The following RP1 variants were observed in gnomAD, a reference collection of about 807,000 sequenced individuals.
RP1 encodes oxygen-regulated protein 1.
In RP1, 16 loss-of-function variants were observed where a neutral mutation model predicts 14.8. The observed-to-expected ratio is 1.08, with a 90% CI of 0.73 to 1.65. The LOEUF (loss-of-function observed/expected upper bound fraction) is 1.65, where lower values mean the gene tolerates loss of function less well. Ranked by LOEUF, RP1 falls within the 40% of genes most tolerant of loss-of-function variation. The probability of loss-of-function intolerance (pLI) is 0.00; values close to 1 mark genes in which losing one functional copy is unlikely to be tolerated. For synonymous variants in RP1, 876 were observed against 883.6 expected (o/e 0.99, Z 0.15); for missense variants, 2,631 against 2,535.0 (o/e 1.04, Z -0.81).
chr8:54,643,451 A>G (rs1194125890), intron 3 of RP1, among the ~76,000 whole-genome samples: 2 of 152,320 alleles, frequency 1.3e-5, no homozygotes, highest in South Asian at 2.1e-4. Flanking sequence ...GTGGAATCAT[A>G]AAGTATATAC....
Position 54,625,847 on chromosome 8 carries a change from A to G in RP1, c.1965A>G (p.Thr655=), listed in dbSNP as rs777274251. The change falls in exon 4 of 4, where the codon ACA becomes ACG. Residue 655 remains threonine (T), a synonymous_variant. Transcript: ENST00000220676. The stretch of plus-strand genomic sequence containing the variant: ...ATGAATTTGCTCAGTGTGGTTTAAC[A>G]AAACTTCCAAAAAATGAAAAGAAGA... ...LINEFAQCGL[T]KLPKNEKKIL... 1 of 1,613,602 alleles carries G rather than the reference A, an allele frequency of 6.2e-7. No homozygotes were observed. The highest frequency in any genetic ancestry group is 1.3e-5 in the African/African-American group (1 of 75,064).
At chr8:54,661,479 A>T (rs1354545761) in intron 6 of RP1, among the ~76,000 whole-genome samples, 1 of 147,244 alleles carries the variant, frequency 6.8e-6, no homozygotes, top group Non-Finnish European at 1.5e-5. Context: ...ATCCTGTATT[A>T]AAAAAAAAAG....
intron 23 of RP1, among the ~76,000 whole-genome samples, chr8:54,775,201 G>T (rs1053976632): frequency 7.9e-5 from 12 of 152,204 alleles, no homozygotes; most frequent in African/African-American, 2.9e-4. Context: ...TGGAGATGGG[G>T]AAGTCTGGGA....
chr8:54,608,956 C>T (rs777922993), intron 1 of RP1, among the ~76,000 whole-genome samples: 25 of 152,112 alleles, frequency 1.6e-4, no homozygotes, highest in Non-Finnish European at 2.1e-4. Context: ...TCTTTGGTTC[C>T]GGAGGACTTT....
At chr8:54,774,054 A>T (rs1229934065), downstream of RP1, among the ~76,000 whole-genome samples, 1 of 152,240 alleles carries the variant, frequency 6.6e-6, no homozygotes, top group Non-Finnish European at 1.5e-5. Context: ...GCTAAACATG[A>T]TTAAGAACAT....
chr8:54,665,186 C>T (rs911145479), intron 7 of RP1, among the ~76,000 whole-genome samples: 1 of 152,004 alleles, frequency 6.6e-6, no homozygotes, highest in Non-Finnish European at 1.5e-5. Flanking sequence ...TCACTTAGTT[C>T]CATTTCTGGA....
rs149078207 is a variant in RP1 at position 54,688,618 on chromosome 8, G to A, written c.1717+8685G>A. Among the ~76,000 whole-genome samples, 1,313 of 152,246 alleles carry A rather than the reference G, an allele frequency of 8.6e-3. 20 individuals are homozygous for A. Among genetic ancestry groups the A allele is most frequent in the African/African-American group, 0.029 (1,212 of 41,546 alleles). ...TGTCAGGTTTGTCAAAGATCAGATGGTTGTAGATGTGTGGTGTTATTTCTG... is the reference window on the plus strand; with the variant it reads ...TGTCAGGTTTGTCAAAGATCAGATGATTGTAGATGTGTGGTGTTATTTCTG... On this transcript the variant is annotated intron_variant, in intron 12 of 22. Transcript: ENST00000636932.
At chr8:54,824,950 C>T (rs1811346817) in intron 24 of RP1, among the ~76,000 whole-genome samples, 1 of 120,042 alleles carries the variant, frequency 8.3e-6, no homozygotes, top group Non-Finnish European at 1.8e-5. Flanking sequence ...TAACACTATT[C>T]TTTTTCTTTC....
chr8:54,622,207 A>G lies in RP1; in HGVS notation c.706A>G (p.Lys236Glu). Reference sequence around the variant, plus strand: ...TAAACCAGGAAATTATGACATCCAAAAATACTTGCTTCCTGCTAGATTACC... The same window carrying G: ...TAAACCAGGAAATTATGACATCCAAGAATACTTGCTTCCTGCTAGATTACC... ...PFKPGNYDIQKYLLPARLPGI... is the reference protein window; with the variant it reads ...PFKPGNYDIQEYLLPARLPGI... Residue 236 changes from lysine (K) to glutamate (E), a missense_variant, in exon 3 of 4, where the codon AAA becomes GAA. Coordinates refer to ENST00000220676, the MANE Select transcript of RP1 (RefSeq NM_006269.2). The G allele has an allele frequency of 6.2e-7, 1 of 1,614,180 alleles. No homozygotes were observed. Among genetic ancestry groups the G allele is most frequent in the Non-Finnish European group, 8.5e-7 (1 of 1,180,024 alleles).
intron 25 of RP1, among the ~76,000 whole-genome samples, chr8:54,845,400 A>G (rs4737733): frequency 0.35 from 53,526 of 151,986 alleles, 9,556 homozygotes; most frequent in Non-Finnish European, 0.38. Flanking sequence ...ATATTTATGT[A>G]TGCTAGGAGC....
intron 7 of RP1, among the ~76,000 whole-genome samples, chr8:54,672,244 G>C (rs1807196370): frequency 1.3e-5 from 2 of 152,084 alleles, no homozygotes; most frequent in South Asian, 4.1e-4. Context: ...CTCCAAGTCA[G>C]GGGAGACAAA....
At chr8:54,867,191 G>A (rs1430351037) in intron 28 of RP1, among the ~76,000 whole-genome samples, 11 of 152,062 alleles carry the variant, frequency 7.2e-5, no homozygotes, top group Admixed American at 5.9e-4. Flanking sequence ...TTGACTGACT[G>A]GATTTTACCT....
At chr8:54,704,002 G>A (rs1373865507) in intron 14 of RP1, among the ~76,000 whole-genome samples, 1 of 152,090 alleles carries the variant, frequency 6.6e-6, no homozygotes, top group East Asian at 1.9e-4. Context: ...GGTTGGTTTT[G>A]GTCTTATATC....
intron 26 of RP1, among the ~76,000 whole-genome samples, chr8:54,853,405 C>A (rs1431585492): frequency 6.6e-6 from 1 of 152,142 alleles, no homozygotes; most frequent in African/African-American, 2.4e-5. Context: ...TTCTATAAGT[C>A]ACTGCTGTTG....
intron 25 of RP1, among the ~76,000 whole-genome samples, chr8:54,839,594 T>A (rs1811744478): frequency 6.6e-6 from 1 of 152,184 alleles, no homozygotes; most frequent in African/African-American, 2.4e-5. Flanking sequence ...TTTCAGTGAT[T>A]CTTTGAACCC....
At chr8:54,728,169 A>T in intron 17 of RP1, among the ~76,000 whole-genome samples, 1 of 152,136 alleles carries the variant, frequency 6.6e-6, no homozygotes, top group Non-Finnish European at 1.5e-5. Flanking sequence ...CCATGATTTT[A>T]AGTGAGGAAA....
chr8:54,630,213 G>A lies in RP1; in HGVS notation c.6331G>A (p.Val2111Ile). 1 of 1,613,640 alleles carries A rather than the reference G, an allele frequency of 6.2e-7. No individual in the cohort carries two copies. Among genetic ancestry groups the A allele is most frequent in the Non-Finnish European group, 8.5e-7 (1 of 1,179,930 alleles). Residue 2111 changes from valine (V) to isoleucine (I), a missense_variant, in exon 4 of 4, where the codon GTT (valine) becomes ATT (isoleucine). Val to Ile is a conservative substitution (Grantham distance 29). Transcript: ENST00000220676. ...AGCTTGCCTCTTAGATATTTGCCAA[G>A]TTGAGACCTCCTTAAATATTAGCAA... is the stretch of plus-strand genomic sequence containing the variant. ...GQACLLDICQ[V>I]ETSLNISNRN...
intron 1 of RP1, among the ~76,000 whole-genome samples, chr8:54,563,046 T>G (rs569862086): frequency 6.6e-6 from 1 of 152,356 alleles, no homozygotes; most frequent in Non-Finnish European, 1.5e-5. Flanking sequence ...TGTAGACTCT[T>G]ACTCTTAACT....
At chr8:54,845,426 GA>G (rs921572842) in intron 25 of RP1, among the ~76,000 whole-genome samples, 1 of 152,092 alleles carries the variant, frequency 6.6e-6, no homozygotes, top group African/African-American at 2.4e-5. Context: ...ATTCTAACCT[GA>G]AAAAACATGA....
Sources: allele counts gnomAD v4.1 joint callset (sites outside exome capture counted in the v4.1 genomes callset), GRCh38; gene constraint gnomAD v4.1.1; transcripts MANE v1.5; gene names NCBI Gene and HGNC (gene_info 2026-07-23, HGNC 2026-07-21).